SPAG1: variants seen among roughly 807,000 people sequenced by gnomAD.
SPAG1 encodes sperm-associated antigen 1.
Under a neutral mutation model 100.5 loss-of-function variants are expected in SPAG1, and 69 were observed. That is an observed-to-expected ratio of 0.69 (90% CI 0.57 to 0.84). SPAG1 has a LOEUF of 0.84. SPAG1 is among the 40% of genes least tolerant of loss of function. The pLI is 0.00. For synonymous variants in SPAG1, 336 were observed against 411.6 expected (o/e 0.82, Z 2.22); for missense variants, 955 against 1,133.1 (o/e 0.84, Z 2.26).
In SPAG1 at chr8:100,240,639, G is replaced by A; in HGVS notation, c.2517G>A (p.Met839Ile). The change falls in exon 18 of 19, where the codon ATG (methionine) becomes ATA (isoleucine). Residue 839 changes from methionine to isoleucine, a missense_variant. Met to Ile is a conservative substitution (Grantham distance 10, BLOSUM62 1). Transcript: ENST00000388798. ...TCACTGCACCAAAAGATTTGCCGAT[G>A]TTTTTAAGTAACAAACTTGAAGGGG... Reference protein sequence around the residue: ...LAITAPKDLPMFLSNKLEGDT... With the variant: ...LAITAPKDLPIFLSNKLEGDT... The A allele has an allele frequency of 1.2e-6, 2 of 1,614,156 alleles. No individual in the cohort carries two copies. The highest frequency in any genetic ancestry group is 2.2e-5 in the South Asian group (2 of 91,086).
chr8:100,223,208 T>C (rs1390595634), intron 13 of SPAG1, among the ~76,000 whole-genome samples: 2 of 152,246 alleles, frequency 1.3e-5, no homozygotes, highest in Admixed American at 6.5e-5. Context: ...TTTTGGCTAT[T>C]GTGAACAGTG....
intron 3 of SPAG1, among the ~76,000 whole-genome samples, chr8:100,166,963 G>C (rs895185603): frequency 1.3e-5 from 2 of 152,090 alleles, no homozygotes; most frequent in Admixed American, 1.3e-4. Context: ...CAAAGGATTT[G>C]AATATTTTTA....
intron 3 of SPAG1, among the ~76,000 whole-genome samples, chr8:100,166,784 G>A (rs892754217): frequency 7.9e-5 from 12 of 152,172 alleles, no homozygotes; most frequent in East Asian, 1.9e-4. Flanking sequence ...GCATGTGTCT[G>A]TAATCCCAGC....
chr8:100,200,058 A>G (rs537946590), intron 10 of SPAG1, among the ~76,000 whole-genome samples: 1 of 152,038 alleles, frequency 6.6e-6, no homozygotes, highest in African/African-American at 2.4e-5. Context: ...TTAACTTGTC[A>G]TTTACATTAG....
In SPAG1 at chr8:100,187,141, T is replaced by C. The variant is rs752861042; in HGVS notation, c.723T>C (p.Thr241=). The change falls in exon 8 of 19, where the codon ACT becomes ACC. Residue 241 remains threonine (T), a synonymous_variant. Transcript: ENST00000388798. ...CTAGGAGCATATCAGCGCTTCCCAC[T>C]GTAGTTGCCTATAACAATCGAGCTC... The part of the protein sequence containing the change: ...YYTRSISALP[T]VVAYNNRAQA... The C allele has an allele frequency of 7.4e-6, 12 of 1,612,272 alleles. No individual in the cohort carries two copies. The Admixed American group carries it at 1.3e-4, about 18-fold the overall frequency.
chr8:100,179,837 T>C (rs1001713852), intron 4 of SPAG1, among the ~76,000 whole-genome samples: 8 of 152,330 alleles, frequency 5.3e-5, no homozygotes, highest in African/African-American at 1.9e-4. Flanking sequence ...TAGTCAAATA[T>C]GATGGTTATG....
chr8:100,183,324 TG>T, intron 4 of SPAG1, 50 bp from the exon 5 acceptor site: 1 of 858,170 alleles, frequency 1.2e-6, no homozygotes, highest in Non-Finnish European at 1.9e-6. Context: ...CAGTAAAACC[TG>T]ATAATCTTAT....
At position 100,225,635 on chromosome 8, in the gene SPAG1, G is replaced by GT. The variant is rs908848795; in HGVS notation, c.1855+305dup. On this transcript the variant is annotated intron_variant, in intron 14 of 18. Coordinates refer to ENST00000388798, the MANE Select transcript of SPAG1 (RefSeq NM_003114.5). ...CACCACACCTGGCTAATTTTAGTGG[G>GT]TTTTTTTTTGTTTGTCTTTAGTAGA... is the stretch of plus-strand genomic sequence containing the variant. 5.3e-5 allele frequency among the ~76,000 whole-genome samples: 8 copies of GT among 150,092 alleles called. 1 individual carries two copies. The highest frequency in any genetic ancestry group is 3.9e-4 in the East Asian group (2 of 5,072).
Position 100,180,170 on chromosome 8 carries a change from A to AT in SPAG1, c.426+2240dup, listed in dbSNP as rs112163846. Among the ~76,000 whole-genome samples, 248 of 147,754 alleles carry AT rather than the reference A, an allele frequency of 1.7e-3. 1 individual carries two copies. Among genetic ancestry groups the AT allele is most frequent in the Middle Eastern group, 3.4e-3 (1 of 292 alleles). On this transcript the variant is annotated intron_variant, in intron 4 of 18. Coordinates refer to ENST00000388798, the MANE Select transcript of SPAG1 (RefSeq NM_003114.5). ...TAGCGAGACCCCATCTCTACAAAAC[A>AT]TTTTTTTTTTTATTAGTGTGGTGTG...
At chr8:100,186,808 C>G (rs1017642822) in intron 7 of SPAG1, among the ~76,000 whole-genome samples, 2 of 152,054 alleles carry the variant, frequency 1.3e-5, no homozygotes, top group South Asian at 4.1e-4. Flanking sequence ...GCCGTCTTCT[C>G]CCAGTGACTT....
At position 100,213,205 on chromosome 8, in the gene SPAG1, G is replaced by A. The variant is rs1318398336; in HGVS notation, c.1212G>A (p.Pro404=). 1.9e-5 allele frequency: 27 copies of A among 1,454,944 alleles called. No individual in the cohort carries two copies. The highest frequency in any genetic ancestry group is 2.4e-5 in the Non-Finnish European group (27 of 1,108,098). 90.1% of individuals were successfully genotyped at this position (1,454,944 alleles called of 1,614,324 possible). Residue 404 remains proline (P), a synonymous_variant, in exon 11 of 19, where the codon CCG becomes CCA. Transcript: ENST00000388798. ...GCAAGCGGCCGGCAAGGGGCGCGCC[G>A]CAGCGGGGCCAGACCCCGGAGGCCG... ...EGGKRPARGA[P]QRGQTPEAGA...
At chr8:100,179,089 CAAACA>C (rs1231232920) in intron 4 of SPAG1, among the ~76,000 whole-genome samples, 1 of 135,056 alleles carries the variant, frequency 7.4e-6, no homozygotes, top group East Asian at 2.6e-4. Context: ...ACCACAAAAA[CAAACA>C]AAAAAACTCT....
Position 100,165,913 on chromosome 8 carries a change from A to C in SPAG1, c.240A>C (p.Pro80=). 1 of 1,614,250 alleles carries C rather than the reference A, an allele frequency of 6.2e-7. No homozygotes were observed. The highest frequency in any genetic ancestry group is 8.5e-7 in the Non-Finnish European group (1 of 1,180,034). ...PESRALRKDK[P]AATAASFTAE... is the part of the protein sequence containing the mutation. The stretch of plus-strand genomic sequence containing the variant: ...GCAGAGCTTTGAGGAAAGATAAACC[A>C]GCAGCAACAGCAGCCAGTTTTACAG... The change falls in exon 3 of 19, where the codon CCA becomes CCC. Residue 80 remains proline, a synonymous_variant. Transcript: ENST00000388798.
intron 10 of SPAG1, among the ~76,000 whole-genome samples, chr8:100,212,870 G>A (rs1247647667): frequency 6.9e-6 from 1 of 144,408 alleles, no homozygotes; most frequent in African/African-American, 2.6e-5. Context: ...CGAAACCCGG[G>A]AGCCGAGTCC....
At chr8:100,176,493 G>A (rs1163866879) in intron 3 of SPAG1, among the ~76,000 whole-genome samples, 1 of 151,780 alleles carries the variant, frequency 6.6e-6, no homozygotes, top group Non-Finnish European at 1.5e-5. Flanking sequence ...AGCCTCCCCA[G>A]TAGCTGGGAT....
At chr8:100,173,938 G>T (rs1414650091) in intron 3 of SPAG1, among the ~76,000 whole-genome samples, 1 of 152,086 alleles carries the variant, frequency 6.6e-6, no homozygotes, top group East Asian at 1.9e-4. Context: ...GGTTAAGATG[G>T]CCAATTTTAT....
Position 100,213,879 on chromosome 8 carries a change from A to G in SPAG1, c.1496A>G (p.Lys499Arg), listed in dbSNP as rs758520367. ...LYSNRAACYL[K>R]EGNCSGCIQD... ...TCAAATAGAGCAGCATGTTACCTAA[A>G]AGAAGGAAACTGCAGTGGCTGCATT... is the stretch of plus-strand genomic sequence containing the variant. Residue 499 changes from lysine to arginine, a missense_variant, in exon 12 of 19, where the codon AAA becomes AGA. By Grantham distance (26) the Lys-to-Arg change is conservative (BLOSUM62 2). Transcript: ENST00000388798. 20 of 1,605,880 alleles carry G rather than the reference A, an allele frequency of 1.2e-5. No individual in the cohort carries two copies. In the South Asian group the frequency reaches 1.3e-4, roughly 11 times the overall value.
At chr8:100,158,254 G>A (rs1815148501), upstream of SPAG1, 1 of 152,362 alleles carries the variant, frequency 6.6e-6, no homozygotes, top group African/African-American at 2.4e-5. Flanking sequence ...GGAGCGATGG[G>A]GTGGACGTCC....
intron 16 of SPAG1, among the ~76,000 whole-genome samples, chr8:100,236,209 T>G (rs1818999133): frequency 6.6e-6 from 1 of 152,182 alleles, no homozygotes; most frequent in African/African-American, 2.4e-5. Flanking sequence ...ATCCCAAATT[T>G]GAGTAATCCT....
Sources: gnomAD v4.1 joint callset for allele counts (sites outside exome capture counted in the v4.1 genomes callset) on GRCh38, gnomAD v4.1.1 for gene constraint, MANE v1.5 for transcripts, NCBI Gene and HGNC (gene_info 2026-07-23, HGNC 2026-07-21) for gene names.